The following HINT1 variants were observed in gnomAD, a reference collection of about 807,000 sequenced individuals.
HINT1 encodes the protein histidine triad nucleotide binding protein 1, also known as adenosine 5'-monophosphoramidase HINT1.
A neutral mutation model predicts 11.2 loss-of-function variants in HINT1; 12 were observed. That is an observed-to-expected ratio of 1.07 (90% confidence interval 0.69 to 1.74). The LOEUF (loss-of-function observed/expected upper bound fraction) is 1.74, where lower values mean the gene tolerates loss of function less well. HINT1 is among the 40% of genes most tolerant of loss of function. The pLI is 0.00. For synonymous variants in HINT1, 42 were observed against 52.6 expected (o/e 0.80, Z 0.87); for missense variants, 150 against 161.8 (o/e 0.93, Z 0.40).
chr5:131,165,136 G>T lies in HINT1; in HGVS notation c.70C>A (p.Arg24Ser). The T allele has an allele frequency of 6.2e-7, 1 of 1,613,064 alleles. No homozygotes were observed. The highest frequency in any genetic ancestry group is 8.5e-7 in the Non-Finnish European group (1 of 1,179,902). ...GGDTIFGKII[R>S]KEIPAKIIFE... Reference sequence around the variant, plus strand: ...ATGATTTTGGCTGGTATTTCCTTGCGGATGATCTTCCCAAAGATCGTGTCG... The same window carrying T: ...ATGATTTTGGCTGGTATTTCCTTGCTGATGATCTTCCCAAAGATCGTGTCG... Residue 24 changes from arginine (R) to serine (S), a missense_variant, in exon 1 of 3, where the codon CGC becomes AGC. Physicochemically the swap from Arg to Ser is moderately radical, Grantham distance 110 (BLOSUM62 -1). Coordinates refer to ENST00000304043, the MANE Select transcript of HINT1 (RefSeq NM_005340.7).
In HINT1 at chr5:131,159,260, ACAAAT is replaced by A. The variant is rs1671323938; in HGVS notation, c.*182_*186del. The A allele has an allele frequency of 2.0e-6, 1 of 489,182 alleles. No individual in the cohort carries two copies. Among genetic ancestry groups the A allele is most frequent in the African/African-American group, 1.9e-5 (1 of 52,212 alleles). 30.3% of individuals were successfully genotyped at this position (489,182 alleles called of 1,614,324 possible). On this transcript the variant is annotated 3_prime_UTR_variant, in exon 3 of 3. Coordinates refer to ENST00000304043, the MANE Select transcript of HINT1 (RefSeq NM_005340.7). Reference sequence around the variant, plus strand: ...TTCCAACAAATATGTTTTTAAAATAACAAATCAAACGCAACACTCAGAGAGACTAT... The same window carrying A: ...TTCCAACAAATATGTTTTTAAAATAACAAACGCAACACTCAGAGAGACTAT...
chr5:131,160,792 T>C (rs1755229933), intron 2 of HINT1: 1 of 524,084 alleles, frequency 1.9e-6, no homozygotes, highest in African/African-American at 2.0e-5. Context: ...TTCTGATCCT[T>C]TTCCAGACTG....
In HINT1 at chr5:131,160,028, T is replaced by G. The variant is rs534254604; in HGVS notation, c.217-417A>C. ...CACCACACCCGGCTAATTTTTGTAT[T>G]TTTTTGTTGAGATGGGGCTTCTCCA... On this transcript the variant is annotated intron_variant, in intron 2 of 2. Coordinates refer to ENST00000304043, the MANE Select transcript of HINT1 (RefSeq NM_005340.7). Among the ~76,000 whole-genome samples, 487 of 152,192 alleles carry G rather than the reference T, an allele frequency of 3.2e-3. 1 individual carries two copies. Among genetic ancestry groups the G allele is most frequent in the African/African-American group, 0.01 (416 of 41,528 alleles).
intron 1 of HINT1, among the ~76,000 whole-genome samples, chr5:131,164,809 G>A (rs1404013026): frequency 6.6e-6 from 1 of 151,964 alleles, no homozygotes; most frequent in African/African-American, 2.4e-5. Flanking sequence ...GGGCCCCAGT[G>A]CGCCCCGACA....
At chr5:131,161,943 G>A (rs1342511491) in intron 2 of HINT1, among the ~76,000 whole-genome samples, 1 of 152,110 alleles carries the variant, frequency 6.6e-6, no homozygotes, top group East Asian at 1.9e-4. Context: ...CAGGGATGAA[G>A]ACCTTTATGA....
At chr5:131,159,731 G>A in intron 2 of HINT1, 120 bp from the exon 3 acceptor site, 1 of 869,250 alleles carries the variant, frequency 1.2e-6, no homozygotes, top group Non-Finnish European at 1.8e-6. Flanking sequence ...AACCCTTTGA[G>A]CAAATATTTG....
Position 131,165,164 on chromosome 5 carries a change from A to AC in HINT1, c.41dup (p.Gly15TrpfsTer20), listed in dbSNP as rs781250694. ...TGATCTTCCCAAAGATCGTGTCGCC[A>AC]CCAGGCCGAGCGACCTGAGCCTTGG... On this transcript the variant is annotated frameshift_variant, in exon 1 of 3. Transcript: ENST00000304043. LOFTEE classifies it high-confidence loss of function. 1 of 1,611,472 alleles carries AC rather than the reference A, an allele frequency of 6.2e-7. No homozygotes were observed. The highest frequency in any genetic ancestry group is 1.7e-5 in the Admixed American group (1 of 60,028).
chr5:131,159,585 G>A lies in HINT1; in HGVS notation c.243C>T (p.Gly81=), dbSNP rs1426690264. The change falls in exon 3 of 3, where the codon GGC becomes GGT. Residue 81 remains glycine (G), a synonymous_variant. Transcript: ENST00000304043. ...ESLLGHLMIV[G]KKCAADLGLN... Reference sequence around the variant, plus strand: ...GGCCCAGATCAGCAGCACATTTCTTGCCAACAATCATTAAGTGTCCAAGAA... The same window carrying A: ...GGCCCAGATCAGCAGCACATTTCTTACCAACAATCATTAAGTGTCCAAGAA... 6 of 1,613,210 alleles carry A rather than the reference G, an allele frequency of 3.7e-6. No individual in the cohort carries two copies. The highest frequency in any genetic ancestry group is 5.1e-6 in the Non-Finnish European group (6 of 1,179,546).
chr5:131,160,834 T>C (rs760934848), intron 2 of HINT1: 1 of 462,946 alleles, frequency 2.2e-6, no homozygotes, highest in South Asian at 1.5e-5. Flanking sequence ...TTACATGAGA[T>C]ATTCAACACT....
chr5:131,162,604 G>A lies in HINT1; in HGVS notation c.184C>T (p.Gln62Ter), dbSNP rs397514492. 1 of 1,613,192 alleles carries A rather than the reference G, an allele frequency of 6.2e-7. No individual in the cohort carries two copies. The highest frequency in any genetic ancestry group is 8.5e-7 in the Non-Finnish European group (1 of 1,179,166). ...FLVIPKKHIS[Q>*]ISVAEDDDES... ...TCATCATCTTCTGCCACAGAAATCT[G>A]GGATATATGTTTCTTGGGTATCACC... The change falls in exon 2 of 3, where the codon CAG becomes TAG. Residue 62 changes from glutamine to a stop codon, truncating the protein, a stop_gained. Coordinates refer to ENST00000304043, the MANE Select transcript of HINT1 (RefSeq NM_005340.7). LOFTEE classifies it high-confidence loss of function.
rs376643598 is a variant in HINT1, at chr5:131,162,688, A to G, written c.112-12T>C. 2.6e-6 allele frequency: 4 copies of G among 1,518,778 alleles called. No homozygotes were observed. In the African/African-American group the frequency reaches 5.5e-5, roughly 21 times the overall value. The allele number at this position is 1,518,778 out of a possible 1,614,324, so 94.1% of individuals were successfully genotyped here. ...TGGAAAGCAAGGCACTAGGGAAAAG[A>G]GAAATAAATAAATAAATCAAACTTT... On this transcript the variant is annotated splice_polypyrimidine_tract_variant and intron_variant, in intron 1 of 2. Transcript: ENST00000304043.
chr5:131,165,038 A>G, intron 1 of HINT1, 57 bp downstream of exon 1: 2 of 1,609,286 alleles, frequency 1.2e-6, no homozygotes, highest in Non-Finnish European at 1.7e-6. Context: ...GAGAAACCCG[A>G]GGATCCGCGG....
intron 1 of HINT1, among the ~76,000 whole-genome samples, chr5:131,164,354 C>T (rs1399224262): frequency 6.6e-6 from 1 of 152,218 alleles, no homozygotes; most frequent in South Asian, 2.1e-4. Flanking sequence ...AAAATTACTT[C>T]CTGTTGAATA....
intron 2 of HINT1, chr5:131,162,257 A>G: frequency 1.7e-6 from 1 of 604,978 alleles, no homozygotes; most frequent in Admixed American, 2.9e-5. Flanking sequence ...AGGGAGGTGG[A>G]GCTTGCAGTG....
intron 1 of HINT1, 81 bp downstream of exon 1, chr5:131,165,014 T>G (rs1257453016): frequency 8.8e-6 from 14 of 1,590,396 alleles, no homozygotes; most frequent in Non-Finnish European, 1.1e-5. Context: ...TCGCGACCCC[T>G]CCTCTCCCTC....
chr5:131,162,126 CTA>C (rs199790704), intron 2 of HINT1: 4,939 of 383,058 alleles, frequency 0.013, 53 homozygotes, highest in Admixed American at 0.029. Context: ...GAAATCGAAA[CTA>C]TCCTGACTAA....
chr5:131,164,115 C>G (rs1040436558), intron 1 of HINT1, among the ~76,000 whole-genome samples: 9 of 152,018 alleles, frequency 5.9e-5, no homozygotes, highest in African/African-American at 2.2e-4. Context: ...ATCTAACCGA[C>G]ATTAGTAGAA....
At chr5:131,162,708 A>C (rs1755290046) in intron 1 of HINT1, 32 bp from the exon 2 acceptor site, 2 of 1,393,076 alleles carry the variant, frequency 1.4e-6, no homozygotes, top group African/African-American at 2.9e-5. Flanking sequence ...AAATAAATCA[A>C]ACTTTTAGTA....
At chr5:131,164,951 G>C in intron 1 of HINT1, 144 bp downstream of exon 1, 2 of 1,240,112 alleles carry the variant, frequency 1.6e-6, no homozygotes, top group Non-Finnish European at 2.2e-6. Context: ...CTGTCCGCTG[G>C]CTGGGGGCCC....
Sources: allele counts gnomAD v4.1 joint callset (sites outside exome capture counted in the v4.1 genomes callset), GRCh38; gene constraint gnomAD v4.1.1; transcripts MANE v1.5; gene names NCBI Gene and HGNC (gene_info 2026-07-23, HGNC 2026-07-21).